XYLT2: variants seen among roughly 807,000 people sequenced by gnomAD.
XYLT2 encodes the protein UDP-D-xylose:proteoglycan core protein beta-D-xylosyltransferase.
In XYLT2, 37 loss-of-function variants were observed where a neutral mutation model predicts 82.6. The ratio of observed to expected loss-of-function variants is 0.45; its 90% CI spans 0.34 to 0.59. The LOEUF (loss-of-function observed/expected upper bound fraction) is 0.59, where lower values mean the gene tolerates loss of function less well. Ranked by LOEUF, XYLT2 falls within the 20% of genes least tolerant of loss-of-function variation. The pLI is 0.01. For missense variants in XYLT2, 934 were observed against 1,181.3 expected (o/e 0.79, Z 3.07); for synonymous variants, 474 against 499.0 (o/e 0.95, Z 0.67).
chr17:50,349,558 G>A (rs75033275), intron 1 of XYLT2, among the ~76,000 whole-genome samples: 29,771 of 152,128 alleles, frequency 0.2, 3,229 homozygotes, highest in Admixed American at 0.29. Flanking sequence ...AGACCAGCTT[G>A]GATAACATAG....
chr17:50,352,970 C>T (rs72832448), intron 1 of XYLT2, among the ~76,000 whole-genome samples: 3,149 of 152,308 alleles, frequency 0.021, 53 homozygotes, highest in Middle Eastern at 0.054. Flanking sequence ...GTCTCCTTTG[C>T]GGTCCAAAGC....
At position 50,358,491 on chromosome 17, in the gene XYLT2, C is replaced by T; in HGVS notation, c.2226C>T (p.Arg742=). The change falls in exon 10 of 11, where the codon CGC becomes CGT. Residue 742 remains arginine, a synonymous_variant. Coordinates refer to ENST00000017003, the MANE Select transcript of XYLT2 (RefSeq NM_022167.4). Reference sequence around the variant, plus strand: ...TCTGGGAACCGCTGGGTGAGACCCGCTTCCTTGTGCTGCCCTTGACCTTCA... The same window carrying T: ...TCTGGGAACCGCTGGGTGAGACCCGTTTCCTTGTGCTGCCCTTGACCTTCA... ...LQFWEPLGET[R]FLVLPLTFNR... The T allele has an allele frequency of 3.1e-6, 5 of 1,614,174 alleles. No homozygotes were observed. Among genetic ancestry groups the T allele is most frequent in the Non-Finnish European group, 4.2e-6 (5 of 1,179,996 alleles).
chr17:50,351,783 C>T (rs1000858332), intron 1 of XYLT2, among the ~76,000 whole-genome samples: 1 of 152,094 alleles, frequency 6.6e-6, no homozygotes, highest in African/African-American at 2.4e-5. Flanking sequence ...AGAGGTCTAT[C>T]GAGCTCCCAT....
chr17:50,354,586 A>C lies in XYLT2; in HGVS notation c.804+3A>C. 1 of 1,604,378 alleles carries C rather than the reference A, an allele frequency of 6.2e-7. No homozygotes were observed. Among genetic ancestry groups the C allele is most frequent in the Non-Finnish European group, 8.5e-7 (1 of 1,175,178 alleles). Reference sequence around the variant, plus strand: ...TCTTTTACATCCATGTGGACAAGGTACTGTGGTGGGGAGAGGCCAAGGGGT... The same window carrying C: ...TCTTTTACATCCATGTGGACAAGGTCCTGTGGTGGGGAGAGGCCAAGGGGT... On this transcript the variant is annotated splice_donor_region_variant and intron_variant, in intron 3 of 10. Transcript: ENST00000017003.
chr17:50,360,574 T>TTTTTTC lies in XYLT2; in HGVS notation c.*288_*289insCTTTTT. 9.3e-7 allele frequency: 1 copy of TTTTTTC among 1,069,604 alleles called. No homozygotes were observed. The highest frequency in any genetic ancestry group is 1.1e-6 in the Non-Finnish European group (1 of 875,166). 66.3% of individuals were successfully genotyped at this position (1,069,604 alleles called of 1,614,324 possible). A position where few individuals can be genotyped will look rare whatever the true frequency, so the allele number is the denominator to read the frequency against. Reference sequence around the variant, plus strand: ...CTAGTTTGAATTTCTTTTTTTTCTTTTTTTTTTTTTTTTTTTAATTTAAAA... The same window carrying TTTTTTC: ...CTAGTTTGAATTTCTTTTTTTTCTTTTTTTTCTTTTTTTTTTTTTTTTAATTTAAAA... On this transcript the variant is annotated 3_prime_UTR_variant, in exon 11 of 11. Coordinates refer to ENST00000017003, the MANE Select transcript of XYLT2 (RefSeq NM_022167.4).
intron 1 of XYLT2, among the ~76,000 whole-genome samples, chr17:50,348,556 A>G (rs1912132138): frequency 6.6e-6 from 1 of 152,180 alleles, no homozygotes; most frequent in Non-Finnish European, 1.5e-5. Context: ...ATCTATGGAG[A>G]GGCTGAGAGT....
At chr17:50,354,191 C>A (rs1912407601) in intron 2 of XYLT2, 69 bp downstream of exon 2, 3 of 1,588,614 alleles carry the variant, frequency 1.9e-6, no homozygotes, top group Admixed American at 3.4e-5. Context: ...GGATCCTCAC[C>A]CCTATCTCTC....
rs1226472643 is a variant in XYLT2, at chr17:50,356,506, T to C, written c.1483-5T>C. The C allele has an allele frequency of 1.9e-6, 3 of 1,613,536 alleles. No homozygotes were observed. The highest frequency in any genetic ancestry group is 4.5e-5 in the East Asian group (2 of 44,858). ...CCTTCACCCTCCTTGCCTCTCCCAC[T>C]CCAGCAAGTCTCCAGACCCACCTTC... On this transcript the variant is annotated splice_region_variant and splice_polypyrimidine_tract_variant and intron_variant, in intron 7 of 10. Transcript: ENST00000017003.
At position 50,360,110 on chromosome 17, in the gene XYLT2, C is replaced by T; in HGVS notation, c.2417C>T (p.Pro806Leu). 6.2e-7 allele frequency: 1 copy of T among 1,613,974 alleles called. No individual in the cohort carries two copies. Among genetic ancestry groups the T allele is most frequent in the Middle Eastern group, 1.6e-4 (1 of 6,062 alleles). ...CAGCGGCACACACAGCTCACAGGCC[C>T]TGCGCTCGAGGCCTGGACAGACAGG... ...AAQRHTQLTG[P>L]ALEAWTDREL... Residue 806 changes from proline to leucine, a missense_variant, in exon 11 of 11, where the codon CCT (proline) becomes CTT (leucine). Physicochemically the swap from Pro to Leu is moderately conservative, Grantham distance 98. This residue lies in a region of XYLT2 where 374 missense variants were observed against 465.6 expected (regional missense o/e 0.80). Transcript: ENST00000017003.
chr17:50,357,159 G>T lies in XYLT2; in HGVS notation c.1848G>T (p.Gly616=). Residue 616 remains glycine, a synonymous_variant, in exon 9 of 11, where the codon GGG becomes GGT. Transcript: ENST00000017003. ...AGGCGGTGCAGCCCTCAGCCCAGGG[G>T]CCGGCAGAGACGCTTGAGATGTGGC... ...VTQAVQPSAQ[G]PAETLEMWLM... is the part of the protein sequence containing the mutation. 2 of 1,613,360 alleles carry T rather than the reference G, an allele frequency of 1.2e-6. No homozygotes were observed. The highest frequency in any genetic ancestry group is 1.7e-6 in the Non-Finnish European group (2 of 1,179,940).
At position 50,353,851 on chromosome 17, in the gene XYLT2, C is replaced by T; in HGVS notation, c.357C>T (p.Gly119=). The T allele has an allele frequency of 6.2e-7, 1 of 1,604,658 alleles. No homozygotes were observed. The highest frequency in any genetic ancestry group is 8.5e-7 in the Non-Finnish European group (1 of 1,177,272). The change falls in exon 2 of 11, where the codon GGC becomes GGT. Residue 119 remains glycine (G), a synonymous_variant. Transcript: ENST00000017003. The part of the protein sequence containing the change: ...VPPAPPPEAP[G]RQNLSGAAAG... The stretch of plus-strand genomic sequence containing the variant: ...CTGCCCCACCCCCGGAAGCCCCAGG[C>T]CGCCAGAACCTGAGTGGGGCAGCAG...
In XYLT2 at chr17:50,360,231, T is replaced by G. The variant is rs1181503865; in HGVS notation, c.2538T>G (p.Ser846=). The change falls in exon 11 of 11, where the codon TCT becomes TCG. Residue 846 remains serine, a synonymous_variant. Coordinates refer to ENST00000017003, the MANE Select transcript of XYLT2 (RefSeq NM_022167.4). ...LEPCRLTSWS[S]LSPDPKSELG... is the part of the protein sequence containing the mutation. ...CCTGCAGACTGACCAGCTGGAGCTCTCTGTCCCCCGACCCCAAATCAGAGC... is the reference window on the plus strand; with the variant it reads ...CCTGCAGACTGACCAGCTGGAGCTCGCTGTCCCCCGACCCCAAATCAGAGC... 1.2e-6 allele frequency: 2 copies of G among 1,613,608 alleles called. No homozygotes were observed. The highest frequency in any genetic ancestry group is 3.3e-5 in the Admixed American group (2 of 59,972).
intron 10 of XYLT2, chr17:50,359,381 C>G (rs1682217692): frequency 6.6e-6 from 1 of 152,618 alleles, no homozygotes; most frequent in Non-Finnish European, 1.5e-5. Context: ...TTCCTTCCCC[C>G]ACCACGTCCT....
intron 9 of XYLT2, chr17:50,357,888 T>C (rs1912618502): frequency 3.0e-6 from 1 of 328,080 alleles, no homozygotes; most frequent in Non-Finnish European, 5.6e-6. Flanking sequence ...CCCCTCCTCA[T>C]AGTCTCTTTC....
Position 50,360,273 on chromosome 17 carries a change from A to C in XYLT2, c.2580A>C (p.Ala860=). Residue 860 remains alanine, a synonymous_variant, in exon 11 of 11, where the codon GCA becomes GCC. Transcript: ENST00000017003. ...DPKSELGPVK[A]DGRLR ...AATCAGAGCTGGGGCCTGTCAAAGC[A>C]GACGGGCGACTCAGGTAGCAGGGCC... 6.3e-7 allele frequency: 1 copy of C among 1,598,974 alleles called. No individual in the cohort carries two copies. The highest frequency in any genetic ancestry group is 8.5e-7 in the Non-Finnish European group (1 of 1,170,580).
intron 1 of XYLT2, 108 bp from the exon 2 acceptor site, chr17:50,353,522 G>C (rs551494922): frequency 1.4e-6 from 2 of 1,472,522 alleles, no homozygotes; most frequent in East Asian, 5.0e-5. Context: ...CTGGGTAAAA[G>C]GTGGGCAGGA....
At chr17:50,359,939 G>T (rs1008395026) in intron 10 of XYLT2, 30 bp from the exon 11 acceptor site, 8 of 1,526,976 alleles carry the variant, frequency 5.2e-6, no homozygotes, top group Non-Finnish European at 5.3e-6. Context: ...GTTGCAGGGG[G>T]TGTGCTTACT....
At chr17:50,349,696 G>A (rs1310086899) in intron 1 of XYLT2, among the ~76,000 whole-genome samples, 1 of 152,220 alleles carries the variant, frequency 6.6e-6, no homozygotes, top group Non-Finnish European at 1.5e-5. Flanking sequence ...ACAGCATGAG[G>A]TTCCTGATGT....
rs368716592 is a variant in XYLT2 at position 50,356,254 on chromosome 17, G to A, written c.1475G>A (p.Arg492Gln). ...PNDFKPQDFL[R>Q]LQQVSRPTFF... ...GACTTCAAGCCACAGGACTTCCTCC[G>A]GCTGCAGGTGCTTGCCCGAGGCCCC... Residue 492 changes from arginine (R) to glutamine (Q), a missense_variant, in exon 7 of 11, where the codon CGG becomes CAG. Transcript: ENST00000017003. 21 of 1,612,868 alleles carry A rather than the reference G, an allele frequency of 1.3e-5. No homozygotes were observed. The highest frequency in any genetic ancestry group is 5.5e-5 in the South Asian group (5 of 91,068).
Sources: allele counts gnomAD v4.1 joint callset (sites outside exome capture counted in the v4.1 genomes callset), GRCh38; gene constraint gnomAD v4.1.1; regional missense constraint gnomAD v4.1.1; transcripts MANE v1.5; gene names NCBI Gene and HGNC (gene_info 2026-07-23, HGNC 2026-07-21).